SCUBE1: variants seen among roughly 807,000 people sequenced by gnomAD.
SCUBE1 encodes the protein signal peptide, CUB and EGF-like domain-containing protein 1.
A neutral mutation model predicts 124.4 loss-of-function variants in SCUBE1; 59 were observed. The ratio of observed to expected loss-of-function variants is 0.47; its 90% CI spans 0.38 to 0.59. The LOEUF is 0.59. SCUBE1 is among the 20% of genes least tolerant of loss of function. The pLI is 0.00. For missense variants in SCUBE1, 1,150 were observed against 1,371.2 expected (o/e 0.84, Z 2.55); for synonymous variants, 545 against 550.9 (o/e 0.99, Z 0.15).
At chr22:43,218,222 T>A in intron 15 of SCUBE1, 33 bp downstream of exon 15, 1 of 1,601,862 alleles carries the variant, frequency 6.2e-7, no homozygotes, top group Non-Finnish European at 8.5e-7. Flanking sequence ...AAGGACAGAG[T>A]CAGCATCTGA....
At chr22:43,205,348 G>A (rs1050090045) in intron 21 of SCUBE1, among the ~76,000 whole-genome samples, 1 of 152,022 alleles carries the variant, frequency 6.6e-6, no homozygotes, top group Non-Finnish European at 1.5e-5. Context: ...CTCTCTAGTG[G>A]GGCACTGGCT....
At position 43,223,300 on chromosome 22, in the gene SCUBE1, T is replaced by TG. The variant is rs1296889401; in HGVS notation, c.1208-85dup. ...CAGGAGGGTCCTGGGTATGGCCTAA[T>TG]GGGGACTCCCCCAACTCCCTTCTTC... On this transcript the variant is annotated intron_variant, in intron 10 of 21. Transcript: ENST00000360835. 58 of 1,442,216 alleles carry TG rather than the reference T, an allele frequency of 4.0e-5. No homozygotes were observed. The African/African-American group carries it at 8.2e-4, about 20-fold the overall frequency. 89.3% of individuals were successfully genotyped at this position (1,442,216 alleles called of 1,614,324 possible).
At chr22:43,291,724 G>T (rs1925368660) in intron 3 of SCUBE1, among the ~76,000 whole-genome samples, 1 of 152,206 alleles carries the variant, frequency 6.6e-6, no homozygotes, top group South Asian at 2.1e-4. Flanking sequence ...AAAGAGTCCA[G>T]TGGCTATGAT....
chr22:43,225,987 T>C (rs1389946710), intron 10 of SCUBE1, among the ~76,000 whole-genome samples: 1 of 152,204 alleles, frequency 6.6e-6, no homozygotes, highest in Non-Finnish European at 1.5e-5. Context: ...CAGTGAGACT[T>C]TGCCTGAAAA....
intron 4 of SCUBE1, among the ~76,000 whole-genome samples, chr22:43,266,781 A>G (rs1924084757): frequency 6.6e-6 from 1 of 152,140 alleles, no homozygotes; most frequent in African/African-American, 2.4e-5. Context: ...GTTACTGGCC[A>G]CTGTTTCCAG....
rs948631116 is a variant in SCUBE1, at chr22:43,208,160, G to A, written c.2646C>T (p.Thr882=). 8 of 1,614,126 alleles carry A rather than the reference G, an allele frequency of 5.0e-6. No homozygotes were observed. Among genetic ancestry groups the A allele is most frequent in the Non-Finnish European group, 5.9e-6 (7 of 1,180,014 alleles). Residue 882 remains threonine, a synonymous_variant, in exon 20 of 22, where the codon ACC becomes ACT. Transcript: ENST00000360835. ...CQTYERPIAF[T]SRSRKLWIQF... is the part of the protein sequence containing the mutation. Reference sequence around the variant, plus strand: ...GGATCCAGAGCTTGCGGGAGCGGGAGGTGAAGGCGATGGGCCTCTCGTAGG... The same window carrying A: ...GGATCCAGAGCTTGCGGGAGCGGGAAGTGAAGGCGATGGGCCTCTCGTAGG...
chr22:43,339,293 C>T (rs756630676), intron 1 of SCUBE1, 58 bp from the exon 2 acceptor site: 28 of 1,574,358 alleles, frequency 1.8e-5, no homozygotes, highest in Admixed American at 5.1e-5. Context: ...GGCAGGTGGC[C>T]GATAGTGTAG....
At chr22:43,268,639 T>C (rs1191450893) in intron 4 of SCUBE1, among the ~76,000 whole-genome samples, 1 of 152,246 alleles carries the variant, frequency 6.6e-6, no homozygotes, top group Non-Finnish European at 1.5e-5. Context: ...CCTTCACCCC[T>C]GAACCTCGGT....
In SCUBE1 at chr22:43,258,370, A is replaced by C; in HGVS notation, c.611-35T>G. ...CCCAAAGTGTACACACGGGTGTATA[A>C]ACAGAACAACAAAAACGGTTAGTTT... On this transcript the variant is annotated intron_variant, in intron 5 of 21. Coordinates refer to ENST00000360835, the MANE Select transcript of SCUBE1 (RefSeq NM_173050.5). This position sits in a 1 kb window ranked among gnomAD's most constrained non-coding sequence, Gnocchi z 5.0. 6.8e-7 allele frequency: 1 copy of C among 1,469,370 alleles called. No homozygotes were observed. Among genetic ancestry groups the C allele is most frequent in the East Asian group, 2.3e-5 (1 of 44,116 alleles). The allele number at this position is 1,469,370 out of a possible 1,614,324, so 91.0% of individuals were successfully genotyped here.
intron 4 of SCUBE1, chr22:43,283,183 TC>T (rs767622017): frequency 3.9e-5 from 6 of 152,138 alleles, no homozygotes; most frequent in Admixed American, 6.5e-5. Context: ...GTTCCTCTTC[TC>T]CTTAGAACCC....
chr22:43,214,933 G>C (rs1369815875), intron 15 of SCUBE1, among the ~76,000 whole-genome samples: 2 of 152,172 alleles, frequency 1.3e-5, no homozygotes, highest in African/African-American at 4.8e-5. Flanking sequence ...AAGACCCTGA[G>C]GTGTGGAACG....
At position 43,216,830 on chromosome 22, in the gene SCUBE1, C is replaced by T. The variant is rs1346339274; in HGVS notation, c.1891+1425G>A. ...TTACCAACAGCTTCCCCGCCCTCTC[C>T]AGGTGTCACCTCTTTATCAACAACT... is the stretch of plus-strand genomic sequence containing the variant. On this transcript the variant is annotated intron_variant, in intron 15 of 21. Coordinates refer to ENST00000360835, the MANE Select transcript of SCUBE1 (RefSeq NM_173050.5). Among the ~76,000 whole-genome samples the T allele has an allele frequency of 4.0e-5, 6 of 148,556 alleles. No individual in the cohort carries two copies. The South Asian group carries it at 1.3e-3, about 33-fold the overall frequency.
chr22:43,313,558 A>G (rs1417654706), intron 3 of SCUBE1, among the ~76,000 whole-genome samples: 4 of 152,256 alleles, frequency 2.6e-5, no homozygotes, highest in Non-Finnish European at 4.4e-5. Flanking sequence ...GTTTGGAATA[A>G]TATTTTTCAA....
chr22:43,341,153 G>T (rs1344897069), intron 1 of SCUBE1, among the ~76,000 whole-genome samples: 2 of 143,170 alleles, frequency 1.4e-5, no homozygotes, highest in Non-Finnish European at 1.6e-5. Flanking sequence ...TTCCGGGGGG[G>T]GCTACCCATC....
At chr22:43,250,025 G>A (rs1374018430) in intron 6 of SCUBE1, among the ~76,000 whole-genome samples, 1 of 152,260 alleles carries the variant, frequency 6.6e-6, no homozygotes, top group Admixed American at 6.5e-5. Flanking sequence ...CTGGCACCGC[G>A]CTAAGCACCT....
At chr22:43,317,651 G>A (rs1429383207) in intron 3 of SCUBE1, among the ~76,000 whole-genome samples, 1 of 152,200 alleles carries the variant, frequency 6.6e-6, no homozygotes, top group African/African-American at 2.4e-5. Context: ...GAGGGCCTTG[G>A]GGACAGACAC....
rs758366676 is a variant in SCUBE1, at chr22:43,212,458, C to T, written c.2188G>A (p.Gly730Ser). The T allele has an allele frequency of 4.3e-5, 66 of 1,552,752 alleles. 2 individuals carry two copies. In the South Asian group the frequency reaches 5.8e-4, roughly 14 times the overall value. Residue 730 changes from glycine (G) to serine (S), a missense_variant, in exon 17 of 22, where the codon GGC (glycine) becomes AGC (serine). By Grantham distance (56) the Gly-to-Ser change is moderately conservative (BLOSUM62 0). Coordinates refer to ENST00000360835, the MANE Select transcript of SCUBE1 (RefSeq NM_173050.5). ...TCGCAGTCCTGGAAGGAGGTGGTGC[C>T]TTCGTGTTTGGTGAGCAAACCCCCT... ...CGGGLLTKHE[G>S]TTSFQDCEAK...
chr22:43,210,913 A>G lies in SCUBE1; in HGVS notation c.2383+9T>C. 1 of 1,613,546 alleles carries G rather than the reference A, an allele frequency of 6.2e-7. No homozygotes were observed. Reference sequence around the variant, plus strand: ...TCCCAGCTTCCCACGGCAGAGCAGCAGCACCCACTTTTGCAGTGTGTGACG... The same window carrying G: ...TCCCAGCTTCCCACGGCAGAGCAGCGGCACCCACTTTTGCAGTGTGTGACG... On this transcript the variant is annotated intron_variant, in intron 18 of 21. Transcript: ENST00000360835. This position sits in a 1 kb window ranked among gnomAD's most constrained non-coding sequence, Gnocchi z 4.5.
intron 2 of SCUBE1, among the ~76,000 whole-genome samples, chr22:43,326,485 G>A (rs1379843797): frequency 2.6e-5 from 4 of 152,084 alleles, no homozygotes; most frequent in Non-Finnish European, 5.9e-5. Flanking sequence ...GGTGGCTCGG[G>A]GTTAAGCTCT....
Sources: allele counts gnomAD v4.1 joint callset (sites outside exome capture counted in the v4.1 genomes callset), GRCh38; gene constraint gnomAD v4.1.1; non-coding constraint Gnocchi (gnomAD v3.1); transcripts MANE v1.5; gene names NCBI Gene and HGNC (gene_info 2026-07-23, HGNC 2026-07-21).